Variants in CDH13 observed in about 807,000 individuals in gnomAD.
CDH13 encodes cadherin 13, also known as cadherin-13.
In CDH13, 24 loss-of-function variants were observed where a neutral mutation model predicts 63.8. That is an observed-to-expected ratio of 0.38 (90% CI 0.27 to 0.53). The LOEUF is 0.53. Among genes scored for constraint, CDH13 ranks in the 20% least tolerant of loss-of-function variants. The pLI is 0.85. For synonymous variants in CDH13, 503 were observed against 355.3 expected (o/e 1.42, Z -4.67); for missense variants, 1,049 against 903.1 (o/e 1.16, Z -2.07).
At chr16:83,700,047 G>A (rs532631609) in intron 10 of CDH13, among the ~76,000 whole-genome samples, 55 of 152,242 alleles carry the variant, frequency 3.6e-4, no homozygotes, top group Middle Eastern at 3.4e-3. Context: ...CCTCAGAAAC[G>A]TCCTGGACTC....
intron 3 of CDH13, among the ~76,000 whole-genome samples, chr16:83,123,538 C>G (rs11641255): frequency 0.46 from 69,859 of 151,680 alleles, 16,752 homozygotes; most frequent in Admixed American, 0.56. Context: ...CTCAGCCTCC[C>G]AAAGGGCTGG....
At chr16:83,561,633 A>G (rs145021906) in intron 7 of CDH13, among the ~76,000 whole-genome samples, 449 of 152,348 alleles carry the variant, frequency 2.9e-3, no homozygotes, top group Non-Finnish European at 4.4e-3. Context: ...ATTTTCTACA[A>G]TGATCTTAAG....
chr16:83,105,604 G>A (rs1037953576), intron 3 of CDH13, among the ~76,000 whole-genome samples: 1 of 152,108 alleles, frequency 6.6e-6, no homozygotes, highest in Non-Finnish European at 1.5e-5. Flanking sequence ...AAAGAAAAAA[G>A]AGGTTGCCAT....
intron 13 of CDH13, among the ~76,000 whole-genome samples, chr16:83,794,626 CATAT>C (rs34550866): frequency 7.4e-5 from 11 of 149,100 alleles, no homozygotes; most frequent in Admixed American, 2.7e-4. Flanking sequence ...CTTAAGTCAA[CATAT>C]ATATATATAT....
intron 10 of CDH13, among the ~76,000 whole-genome samples, chr16:83,747,115 G>T (rs1481429572): frequency 6.6e-6 from 1 of 152,128 alleles, no homozygotes; most frequent in East Asian, 1.9e-4. Flanking sequence ...TCGCATATGG[G>T]CTAAGCAGTG....
chr16:82,916,079 C>A (rs1047638307), intron 2 of CDH13, among the ~76,000 whole-genome samples: 1 of 152,110 alleles, frequency 6.6e-6, no homozygotes, highest in Admixed American at 6.6e-5. Context: ...TGTTTAAATG[C>A]CTCCAGACTA....
At chr16:83,266,918 C>T (rs958662428) in intron 5 of CDH13, among the ~76,000 whole-genome samples, 3 of 152,236 alleles carry the variant, frequency 2.0e-5, no homozygotes, top group Non-Finnish European at 4.4e-5. Flanking sequence ...CTCTACCTCT[C>T]AGCTGAGCCC....
intron 1 of CDH13, among the ~76,000 whole-genome samples, chr16:82,815,149 T>G (rs2037643728): frequency 1.3e-5 from 2 of 152,116 alleles, no homozygotes. Context: ...GTAGGGTACT[T>G]AGAAAGTACT....
chr16:83,673,587 A>G, intron 9 of CDH13, among the ~76,000 whole-genome samples: 1 of 152,204 alleles, frequency 6.6e-6, no homozygotes, highest in East Asian at 1.9e-4. Flanking sequence ...CAACAACGAA[A>G]AAAGAAAAAA....
At chr16:83,398,132 A>G (rs1347095132) in intron 6 of CDH13, 1 of 129,682 alleles carries the variant, frequency 7.7e-6, no homozygotes, top group Non-Finnish European at 1.7e-5. Context: ...TGCTAGGCGT[A>G]CTACCCTGGT....
chr16:83,687,699 A>T (rs1054526342), intron 10 of CDH13, among the ~76,000 whole-genome samples: 11 of 152,234 alleles, frequency 7.2e-5, no homozygotes, highest in African/African-American at 2.7e-4. Context: ...GCCTTGTTTT[A>T]AACCAATCCC....
At chr16:82,791,741 A>G (rs2036316402) in intron 1 of CDH13, among the ~76,000 whole-genome samples, 1 of 152,148 alleles carries the variant, frequency 6.6e-6, no homozygotes, top group African/African-American at 2.4e-5. Flanking sequence ...TTGTTCCCGC[A>G]AGGCTAAGTG....
intron 1 of CDH13, among the ~76,000 whole-genome samples, chr16:82,736,169 G>A (rs1334822692): frequency 1.3e-5 from 2 of 152,148 alleles, no homozygotes; most frequent in South Asian, 2.1e-4. Context: ...TCAAAATCTC[G>A]AAGCCACTTG....
At chr16:82,901,698 G>A (rs1486371882) in intron 2 of CDH13, among the ~76,000 whole-genome samples, 3 of 152,180 alleles carry the variant, frequency 2.0e-5, no homozygotes, top group Non-Finnish European at 4.4e-5. Flanking sequence ...TTACAGGGCT[G>A]CGGCATGTGC....
chr16:82,816,630 T>A (rs2037723460), intron 1 of CDH13, among the ~76,000 whole-genome samples: 1 of 151,930 alleles, frequency 6.6e-6, no homozygotes, highest in Non-Finnish European at 1.5e-5. Flanking sequence ...GAGTGCCTGG[T>A]GTGTCTGAGG....
chr16:83,616,142 A>G (rs938589472), intron 8 of CDH13, among the ~76,000 whole-genome samples: 1 of 152,222 alleles, frequency 6.6e-6, no homozygotes, highest in East Asian at 1.9e-4. Flanking sequence ...TGGTATGTGC[A>G]TTCCTGGATT....
intron 2 of CDH13, among the ~76,000 whole-genome samples, chr16:82,950,646 T>C (rs1905197902): frequency 6.6e-6 from 1 of 152,132 alleles, no homozygotes; most frequent in Middle Eastern, 3.2e-3. Context: ...ATTAAACATC[T>C]TTTTCTTTAT....
chr16:83,239,466 A>G (rs1453168336), intron 5 of CDH13, among the ~76,000 whole-genome samples: 1 of 152,174 alleles, frequency 6.6e-6, no homozygotes, highest in Non-Finnish European at 1.5e-5. Flanking sequence ...CCATGACACC[A>G]GGAGGGTCTT....
chr16:83,463,241 G>C (rs56931884), intron 6 of CDH13, among the ~76,000 whole-genome samples: 1,586 of 152,334 alleles, frequency 0.01, 16 homozygotes, highest in African/African-American at 0.035. Context: ...GCCAGCTGGT[G>C]AAAGTTCAAG....
Sources: gnomAD v4.1 joint callset for allele counts (sites outside exome capture counted in the v4.1 genomes callset) on GRCh38, gnomAD v4.1.1 for gene constraint, MANE v1.5 for transcripts, NCBI Gene and HGNC (gene_info 2026-07-23, HGNC 2026-07-21) for gene names.